The following ALDH3A2 variants were observed in gnomAD, a reference collection of about 807,000 sequenced individuals.
The protein encoded by ALDH3A2 is aldehyde dehydrogenase family 3 member A2.
In ALDH3A2, 36 loss-of-function variants were observed where a neutral mutation model predicts 51.3. The observed-to-expected ratio is 0.70, with a 90% CI of 0.54 to 0.93. The LOEUF is 0.93. Among genes scored for constraint, ALDH3A2 ranks in the 40% least tolerant of loss-of-function variants. ALDH3A2 has a pLI of 0.00. For missense variants in ALDH3A2, 552 were observed against 603.1 expected (o/e 0.92, Z 0.89); for synonymous variants, 199 against 219.8 (o/e 0.91, Z 0.84).
At chr17:19,657,629 C>T in intron 4 of ALDH3A2, 116 bp from the exon 5 acceptor site, 1 of 812,454 alleles carries the variant, frequency 1.2e-6, no homozygotes, top group Non-Finnish European at 2.1e-6. Flanking sequence ...ATAAAAATTG[C>T]CAGATAAATA....
In ALDH3A2 at chr17:19,657,792, C is replaced by T. The variant is rs746253303; in HGVS notation, c.728C>T (p.Ala243Val). 2.5e-6 allele frequency: 4 copies of T among 1,614,082 alleles called. No individual in the cohort carries two copies. Among genetic ancestry groups the T allele is most frequent in the Admixed American group, 1.7e-5 (1 of 60,020 alleles). ...ATGAATTGTGGCCAAACCTGCATTG[C>T]ACCCGACTATATTCTCTGTGAAGCA... is the stretch of plus-strand genomic sequence containing the variant. ...KYMNCGQTCI[A>V]PDYILCEASL... Residue 243 changes from alanine to valine, a missense_variant, in exon 5 of 10, where the codon GCA becomes GTA. By Grantham distance (64) the Ala-to-Val change is moderately conservative. Transcript: ENST00000176643.
chr17:19,664,835 GA>G, intron 7 of ALDH3A2, 112 bp from the exon 8 acceptor site: 1 of 759,840 alleles, frequency 1.3e-6, no homozygotes, highest in Non-Finnish European at 2.3e-6. Context: ...CACAAAGCCA[GA>G]ATGTGCATGC....
chr17:19,665,182 G>A (rs2085019639), intron 8 of ALDH3A2, 135 bp downstream of exon 8: 3 of 784,452 alleles, frequency 3.8e-6, no homozygotes, highest in Non-Finnish European at 6.5e-6. Context: ...CCTTTTCCTG[G>A]TCACCCAGTT....
chr17:19,648,630 C>A (rs141119627), upstream of ALDH3A2: 7 of 385,674 alleles, frequency 1.8e-5, no homozygotes, highest in Admixed American at 3.9e-5. Flanking sequence ...CACTCCACCC[C>A]CTACATCCCA....
Position 19,665,090 on chromosome 17 carries a change from C to T in ALDH3A2, c.1207+43C>T, listed in dbSNP as rs763750538. 7.8e-6 allele frequency: 12 copies of T among 1,530,002 alleles called. No individual in the cohort carries two copies. In the African/African-American group the frequency reaches 1.6e-4, roughly 21 times the overall value. The allele number at this position is 1,530,002 out of a possible 1,614,324, so 94.8% of individuals were successfully genotyped here. A position where few individuals can be genotyped will look rare whatever the true frequency, so the allele number is the denominator to read the frequency against. On this transcript the variant is annotated intron_variant, in intron 8 of 9. Transcript: ENST00000176643. ...CTGCTTGTAGTAGATATTTCAAAAG[C>T]ACCACCATTTCATGAGTGGATTGTA... is the stretch of plus-strand genomic sequence containing the variant.
intron 3 of ALDH3A2, 93 bp from the exon 4 acceptor site, chr17:19,656,273 C>T (rs1597555711): frequency 6.0e-6 from 7 of 1,165,060 alleles, no homozygotes; most frequent in Non-Finnish European, 8.9e-6. Flanking sequence ...CTGGGTTTTA[C>T]TGAATGTTAC....
chr17:19,654,580 A>G lies in ALDH3A2; in HGVS notation c.472-1786A>G, dbSNP rs2084868306. On this transcript the variant is annotated intron_variant, in intron 3 of 9. Coordinates refer to ENST00000176643, the MANE Select transcript of ALDH3A2 (RefSeq NM_000382.3). The surrounding 1 kb of genome is among the most constrained non-coding windows in gnomAD (Gnocchi z 4.5). ...CCAGGTGCTAAGCCCCTCATTGCCC[A>G]GGGCTGGCGGCGCCGGCCAGCTGCT... Among the ~76,000 whole-genome samples the G allele has an allele frequency of 6.6e-6, 1 of 152,008 alleles. No individual in the cohort carries two copies. Among genetic ancestry groups the G allele is most frequent in the Admixed American group, 6.5e-5 (1 of 15,278 alleles).
At position 19,649,142 on chromosome 17, in the gene ALDH3A2, G is replaced by A; in HGVS notation, c.153+18G>A. ...TGTGCAAGGTACGCACGCGTGCGGC[G>A]GGGTGTGGGGAAACTGGCCCCCGCC... On this transcript the variant is annotated intron_variant, in intron 1 of 9. Coordinates refer to ENST00000176643, the MANE Select transcript of ALDH3A2 (RefSeq NM_000382.3). The A allele has an allele frequency of 6.4e-7, 1 of 1,550,460 alleles. No individual in the cohort carries two copies. Among genetic ancestry groups the A allele is most frequent in the South Asian group, 1.2e-5 (1 of 84,560 alleles).
chr17:19,653,851 A>C (rs1444094608), intron 3 of ALDH3A2, among the ~76,000 whole-genome samples: 4 of 152,120 alleles, frequency 2.6e-5, no homozygotes, highest in Non-Finnish European at 4.4e-5. Flanking sequence ...TGATTGGTCC[A>C]TTTTACAGAG....
chr17:19,665,906 G>A (rs994374936), intron 8 of ALDH3A2, among the ~76,000 whole-genome samples: 3 of 152,168 alleles, frequency 2.0e-5, no homozygotes, highest in Admixed American at 6.5e-5. Context: ...CATGGGATGC[G>A]ATGGCCCAGT....
chr17:19,653,557 A>C (rs2084848397), intron 3 of ALDH3A2, among the ~76,000 whole-genome samples: 2 of 151,064 alleles, frequency 1.3e-5, no homozygotes, highest in Admixed American at 6.6e-5. Context: ...TACAGCTCTT[A>C]AGGCGGCGCA....
rs117135285 is a variant in ALDH3A2 at position 19,656,307 on chromosome 17, G to A, written c.472-59G>A. 1.8e-3 allele frequency: 2,561 copies of A among 1,393,654 alleles called. 57 individuals are homozygous for A. In the East Asian group the frequency reaches 0.044, roughly 24 times the overall value. 86.3% of individuals were successfully genotyped at this position (1,393,654 alleles called of 1,614,324 possible). On this transcript the variant is annotated intron_variant, in intron 3 of 9. Transcript: ENST00000176643. Reference sequence around the variant, plus strand: ...ACATGTTTATGTTGAAGAGATTGCTGATGTTAGACGTTAGGATTTATTTGG... The same window carrying A: ...ACATGTTTATGTTGAAGAGATTGCTAATGTTAGACGTTAGGATTTATTTGG...
At chr17:19,667,166 G>A (rs999435453) in intron 8 of ALDH3A2, among the ~76,000 whole-genome samples, 13 of 152,070 alleles carry the variant, frequency 8.5e-5, no homozygotes, top group African/African-American at 3.1e-4. Flanking sequence ...ATTCAAAAAG[G>A]TATCATACTA....
At chr17:19,666,542 C>T (rs1490982295) in intron 8 of ALDH3A2, among the ~76,000 whole-genome samples, 2 of 152,036 alleles carry the variant, frequency 1.3e-5, no homozygotes, top group African/African-American at 4.8e-5. Context: ...TTTGGGAGGC[C>T]GAGGTGGGTG....
chr17:19,657,719 A>T lies in ALDH3A2; in HGVS notation c.681-26A>T, dbSNP rs772979684. The T allele has an allele frequency of 2.1e-6, 3 of 1,426,744 alleles. No individual in the cohort carries two copies. In the African/African-American group the frequency reaches 4.2e-5, roughly 20 times the overall value. The allele number at this position is 1,426,744 out of a possible 1,614,324, so 88.4% of individuals were successfully genotyped here. On this transcript the variant is annotated intron_variant, in intron 4 of 9. Coordinates refer to ENST00000176643, the MANE Select transcript of ALDH3A2 (RefSeq NM_000382.3). ...ATTTGACTGAATTACTGAATTATAT[A>T]GCTGTTCTGGATGTTTTCCCCTCAG...
At chr17:19,663,943 A>G (rs1376098551) in intron 7 of ALDH3A2, among the ~76,000 whole-genome samples, 33 of 152,224 alleles carry the variant, frequency 2.2e-4, no homozygotes, top group Admixed American at 2.2e-3. Flanking sequence ...TTTAGTTTCT[A>G]ACATGACGCT....
At chr17:19,649,263 T>G in intron 1 of ALDH3A2, 139 bp downstream of exon 1, 1 of 1,237,872 alleles carries the variant, frequency 8.1e-7, no homozygotes, top group Non-Finnish European at 1.1e-6. Flanking sequence ...GCGATACAGA[T>G]AAAGCCAAAG....
chr17:19,653,455 GATGTTCGGAC>G lies in ALDH3A2; in HGVS notation c.471+833_471+842del, dbSNP rs1190850006. ...GGTGTGTCCGGAGTTTGTTTCTTCT[GATGTTCGGAC>G]ATGTTCGGAGTTTCTTCCTTCTGGT... On this transcript the variant is annotated intron_variant, in intron 3 of 9. Transcript: ENST00000176643. 2.6e-5 allele frequency among the ~76,000 whole-genome samples: 4 copies of G among 152,188 alleles called. No homozygotes were observed. In the East Asian group the frequency reaches 5.8e-4, roughly 22 times the overall value.
In ALDH3A2 at chr17:19,651,767, C is replaced by T; in HGVS notation, c.374C>T (p.Ala125Val). The change falls in exon 2 of 10, where the codon GCC (alanine) becomes GTC (valine). Residue 125 changes from alanine to valine, a missense_variant. Coordinates refer to ENST00000176643, the MANE Select transcript of ALDH3A2 (RefSeq NM_000382.3). ...FVLTIQPLIG[A>V]IAAGNAVIIK... ...CTCACCATTCAGCCACTGATAGGAG[C>T]CATCGCTGCAGGTCTGGTGCCACCT... 1 of 1,613,982 alleles carries T rather than the reference C, an allele frequency of 6.2e-7. No homozygotes were observed.
Sources: allele counts gnomAD v4.1 joint callset (sites outside exome capture counted in the v4.1 genomes callset), GRCh38; gene constraint gnomAD v4.1.1; non-coding constraint Gnocchi (gnomAD v3.1); transcripts MANE v1.5; gene names NCBI Gene and HGNC (gene_info 2026-07-23, HGNC 2026-07-21).